Variants in IKZF1 observed in about 807,000 individuals in gnomAD.
IKZF1 encodes the protein IKAROS family zinc finger 1, also known as DNA-binding protein Ikaros.
Under a neutral mutation model 51.7 loss-of-function variants are expected in IKZF1, and 10 were observed. The ratio of observed to expected loss-of-function variants is 0.19; its 90% confidence interval spans 0.12 to 0.33. IKZF1 has a LOEUF of 0.33. Among genes scored for constraint, IKZF1 ranks in the 10% least tolerant of loss-of-function variants. The pLI, the probability that IKZF1 is intolerant of heterozygous loss-of-function variation, is 1.00. For missense variants in IKZF1, 484 were observed against 707.5 expected (o/e 0.68, Z 3.58); for synonymous variants, 280 against 282.3 (o/e 0.99, Z 0.08).
At chr7:50,381,443 A>G (rs1376902757) in intron 4 of IKZF1, among the ~76,000 whole-genome samples, 3 of 152,198 alleles carry the variant, frequency 2.0e-5, no homozygotes, top group African/African-American at 7.2e-5. Context: ...CAAATGTATC[A>G]CTCTTCGAAG....
Position 50,401,496 on chromosome 7 carries a change from C to G in IKZF1, c.*869C>G, listed in dbSNP as rs532966724. 2 of 224,718 alleles carry G rather than the reference C, an allele frequency of 8.9e-6. No individual in the cohort carries two copies. Among genetic ancestry groups the G allele is most frequent in the East Asian group, 6.3e-5 (1 of 15,770 alleles). The allele number at this position is 224,718 out of a possible 1,614,324, so 13.9% of individuals were successfully genotyped here. ...AAAATCTGTCACTACAATTTAAACA[C>G]CAGTCCCGAAATTTGGATCTTCTTT... On this transcript the variant is annotated 3_prime_UTR_variant, in exon 8 of 8. Transcript: ENST00000331340.
intron 3 of IKZF1, chr7:50,328,246 GA>G (rs530499902): frequency 6.6e-6 from 1 of 152,410 alleles, no homozygotes; most frequent in African/African-American, 2.4e-5. Flanking sequence ...TTAAATGTTA[GA>G]AAAAAATCAA....
chr7:50,340,122 G>A (rs1036394234), intron 3 of IKZF1, among the ~76,000 whole-genome samples: 231 of 152,292 alleles, frequency 1.5e-3, no homozygotes, highest in African/African-American at 5.1e-3. Flanking sequence ...AGCAATATGC[G>A]CATGTCTAAG....
chr7:50,337,872 T>C (rs1262860922), intron 3 of IKZF1, among the ~76,000 whole-genome samples: 1 of 152,184 alleles, frequency 6.6e-6, no homozygotes, highest in Non-Finnish European at 1.5e-5. Context: ...TCACAAGTGG[T>C]ACCATGGTGA....
intron 6 of IKZF1, among the ~76,000 whole-genome samples, chr7:50,389,061 AGT>A (rs1814250328): frequency 3.3e-5 from 5 of 152,372 alleles, no homozygotes; most frequent in African/African-American, 1.2e-4. Flanking sequence ...AACAAGCTGC[AGT>A]ACACAGCCGG....
intron 4 of IKZF1, among the ~76,000 whole-genome samples, chr7:50,379,716 C>T (rs377686392): frequency 3.3e-5 from 5 of 152,326 alleles, no homozygotes; most frequent in African/African-American, 1.2e-4. Flanking sequence ...CTAAAAACAG[C>T]ACCCTAATGG....
chr7:50,373,646 C>T (rs185926291), intron 3 of IKZF1, among the ~76,000 whole-genome samples: 1 of 152,282 alleles, frequency 6.6e-6, no homozygotes, highest in Non-Finnish European at 1.5e-5. Context: ...TTAAAAACCA[C>T]AAGGTAAATG....
chr7:50,326,279 T>C (rs1419955868), intron 2 of IKZF1, among the ~76,000 whole-genome samples: 1 of 152,240 alleles, frequency 6.6e-6, no homozygotes, highest in Non-Finnish European at 1.5e-5. Flanking sequence ...GCACACACTC[T>C]CAAAAATCTA....
chr7:50,370,855 A>G (rs1306040008), intron 3 of IKZF1, among the ~76,000 whole-genome samples: 2 of 152,164 alleles, frequency 1.3e-5, no homozygotes, highest in Non-Finnish European at 2.9e-5. Flanking sequence ...GGGGTTACAA[A>G]ATATTTATAA....
chr7:50,322,964 A>G (rs972977522), intron 2 of IKZF1, among the ~76,000 whole-genome samples: 2 of 152,220 alleles, frequency 1.3e-5, no homozygotes, highest in African/African-American at 4.8e-5. Context: ...TATGGAAACC[A>G]GAAGTTTGTT....
chr7:50,354,538 C>A (rs1221258780), intron 3 of IKZF1, among the ~76,000 whole-genome samples: 2 of 152,182 alleles, frequency 1.3e-5, no homozygotes, highest in East Asian at 3.9e-4. Flanking sequence ...TACTACAAGG[C>A]AGAAAGACAG....
intron 4 of IKZF1, among the ~76,000 whole-genome samples, chr7:50,381,262 G>A (rs567306621): frequency 2.3e-4 from 35 of 152,204 alleles, no homozygotes; most frequent in Non-Finnish European, 4.0e-4. Context: ...TTAATCAATC[G>A]GGAAATGGTT....
At position 50,402,813 on chromosome 7, in the gene IKZF1, T is replaced by C. The variant is rs1478280493; in HGVS notation, c.*2186T>C. 4.3e-6 allele frequency: 1 copy of C among 230,388 alleles called. No homozygotes were observed. The highest frequency in any genetic ancestry group is 8.6e-6 in the Non-Finnish European group (1 of 116,250). 14.3% of individuals were successfully genotyped at this position (230,388 alleles called of 1,614,324 possible). On this transcript the variant is annotated 3_prime_UTR_variant, in exon 8 of 8. Coordinates refer to ENST00000331340, the MANE Select transcript of IKZF1 (RefSeq NM_006060.6). ...TGGAAACGGGAATAAACAAAATTGC[T>C]GCACCAATGCACTGAGTGAAGGAAG...
rs899157878 is a variant in IKZF1 at position 50,400,148 on chromosome 7, T to C, written c.1081T>C (p.Ser361Pro). Residue 361 changes from serine (S) to proline (P), a missense_variant, in exon 8 of 8, where the codon TCC (serine) becomes CCC (proline). This residue lies in a region of IKZF1 where 172 missense variants were observed against 192.7 expected (regional missense o/e 0.89). Coordinates refer to ENST00000331340, the MANE Select transcript of IKZF1 (RefSeq NM_006060.6). This position sits in a 1 kb window ranked among gnomAD's most constrained non-coding sequence, Gnocchi z 5.4. ...GCCGCTCGCGGAGGGCACCCCGCGCTCCAACCACTCGGCCCAGGACAGCGC... is the reference window on the plus strand; with the variant it reads ...GCCGCTCGCGGAGGGCACCCCGCGCCCCAACCACTCGGCCCAGGACAGCGC... ...HKPLAEGTPR[S>P]NHSAQDSAVE... The C allele has an allele frequency of 4.5e-6, 7 of 1,561,828 alleles. No homozygotes were observed. The highest frequency in any genetic ancestry group is 5.2e-6 in the Non-Finnish European group (6 of 1,154,856).
rs993119920 is a variant in IKZF1, at chr7:50,392,307, T to C, written c.850+444T>C. 2.0e-5 allele frequency among the ~76,000 whole-genome samples: 3 copies of C among 152,130 alleles called. 1 individual carries two copies. Among genetic ancestry groups the C allele is most frequent in the South Asian group, 4.1e-4 (2 of 4,824 alleles). ...TCTGAAGGGTTAATGGGAGGAATCA[T>C]ACAGTGACTGACCCCTGAGAAGTGT... On this transcript the variant is annotated intron_variant, in intron 7 of 7. Transcript: ENST00000331340.
Position 50,404,794 on chromosome 7 carries a change from C to T in IKZF1, c.*4167C>T. ...GGCCCTCACAATTTCACTACCTTGT[C>T]TTTTACATAGTCATAAGAATTATCC... On this transcript the variant is annotated 3_prime_UTR_variant, in exon 8 of 8. Coordinates refer to ENST00000331340, the MANE Select transcript of IKZF1 (RefSeq NM_006060.6). The T allele has an allele frequency of 4.4e-6, 1 of 228,758 alleles. No individual in the cohort carries two copies. 14.2% of individuals were successfully genotyped at this position (228,758 alleles called of 1,614,324 possible).
intron 3 of IKZF1, chr7:50,367,787 A>G: frequency 1.9e-6 from 1 of 537,050 alleles, no homozygotes; most frequent in Non-Finnish European, 3.3e-6. Flanking sequence ...ATGGGATATA[A>G]TGCTGTGAGT....
At chr7:50,306,462 G>A (rs1359410205) in intron 1 of IKZF1, among the ~76,000 whole-genome samples, 1 of 152,156 alleles carries the variant, frequency 6.6e-6, no homozygotes, top group South Asian at 2.1e-4. Flanking sequence ...ATTCATCAGT[G>A]TTCTAATTAG....
chr7:50,306,152 G>T (rs1447507683), intron 1 of IKZF1, among the ~76,000 whole-genome samples: 2 of 152,182 alleles, frequency 1.3e-5, no homozygotes, highest in Non-Finnish European at 2.9e-5. Flanking sequence ...ACCTTCTTAC[G>T]CTGGCATCTT....
Sources: allele counts gnomAD v4.1 joint callset (sites outside exome capture counted in the v4.1 genomes callset), GRCh38; gene constraint gnomAD v4.1.1; regional missense constraint gnomAD v4.1.1; non-coding constraint Gnocchi (gnomAD v3.1); transcripts MANE v1.5; gene names NCBI Gene and HGNC (gene_info 2026-07-23, HGNC 2026-07-21).